Variants in RFX4 observed in about 807,000 individuals in gnomAD.
RFX4 encodes the protein transcription factor RFX4.
RFX4 carries 10 observed loss-of-function variants against 95.0 expected under a neutral mutation model. That is an observed-to-expected ratio of 0.11 (90% confidence interval 0.06 to 0.18). RFX4 has a LOEUF of 0.18. Among genes scored for constraint, RFX4 ranks in the 10% least tolerant of loss-of-function variants. The pLI, the probability that RFX4 is intolerant of heterozygous loss-of-function variation, is 1.00. For missense variants in RFX4, 640 were observed against 922.0 expected, an observed-to-expected ratio of 0.69 and a Z score of 3.96; for synonymous variants, 321 against 340.7, an observed-to-expected ratio of 0.94 and a Z score of 0.64.
At chr12:106,681,894 C>T in intron 4 of RFX4, 99 bp from the exon 5 acceptor site, 6 of 1,249,204 alleles carry the variant, frequency 4.8e-6, no homozygotes, top group Non-Finnish European at 5.9e-6. Context: ...AACCAAGGAC[C>T]TATGTTTTCC....
At chr12:106,646,725 A>C (rs2040754797) in intron 3 of RFX4, among the ~76,000 whole-genome samples, 2 of 152,136 alleles carry the variant, frequency 1.3e-5, no homozygotes, top group African/African-American at 4.8e-5. Context: ...GAGCACACCT[A>C]ATCCTCATGA....
intron 2 of RFX4, among the ~76,000 whole-genome samples, chr12:106,618,552 ATAT>A (rs2040119962): frequency 6.6e-6 from 1 of 151,962 alleles, no homozygotes; most frequent in East Asian, 1.9e-4. Flanking sequence ...ATTTTGTCTG[ATAT>A]TATACAGCTA....
At chr12:106,617,757 C>T (rs142613381) in intron 2 of RFX4, among the ~76,000 whole-genome samples, 23 of 152,228 alleles carry the variant, frequency 1.5e-4, no homozygotes, top group African/African-American at 3.4e-4. Context: ...GACAAAGCCT[C>T]GCTCTGTCAC....
intron 1 of RFX4, chr12:106,585,615 T>G (rs1484406088): frequency 6.6e-6 from 1 of 152,192 alleles, no homozygotes; most frequent in Non-Finnish European, 1.5e-5. Flanking sequence ...GAGTTTCCCT[T>G]GTTATGTAAA....
At chr12:106,679,124 A>T (rs144210070) in intron 4 of RFX4, among the ~76,000 whole-genome samples, 2 of 152,348 alleles carry the variant, frequency 1.3e-5, no homozygotes, top group East Asian at 3.9e-4. Flanking sequence ...ACTGAATATT[A>T]ACCTTTCCAA....
At position 106,761,476 on chromosome 12, in the gene RFX4, T is replaced by A. The variant is rs762418429; in HGVS notation, c.*7T>A. 33 of 1,548,718 alleles carry A rather than the reference T, an allele frequency of 2.1e-5. No homozygotes were observed. Among genetic ancestry groups the A allele is most frequent in the Non-Finnish European group, 2.7e-5 (31 of 1,146,558 alleles). Reference sequence around the variant, plus strand: ...TACAGGATGGGCTAAATGACTGCTATCATAGGCATCCATATTTAATATTAA... The same window carrying A: ...TACAGGATGGGCTAAATGACTGCTAACATAGGCATCCATATTTAATATTAA... On this transcript the variant is annotated 3_prime_UTR_variant, in exon 18 of 18. Transcript: ENST00000392842.
At chr12:106,642,052 C>A (rs2040642136) in intron 3 of RFX4, among the ~76,000 whole-genome samples, 1 of 147,668 alleles carries the variant, frequency 6.8e-6, no homozygotes, top group African/African-American at 2.5e-5. Flanking sequence ...CTCTTGTTGC[C>A]CAGGCTGGAG....
At chr12:106,705,978 G>A (rs1412702826) in intron 8 of RFX4, among the ~76,000 whole-genome samples, 2 of 152,216 alleles carry the variant, frequency 1.3e-5, no homozygotes, top group Non-Finnish European at 2.9e-5. Context: ...ACAAGTTGAC[G>A]TAACAACAAA....
chr12:106,712,960 C>T (rs189287534), intron 10 of RFX4, among the ~76,000 whole-genome samples: 1 of 152,106 alleles, frequency 6.6e-6, no homozygotes, highest in African/African-American at 2.4e-5. Flanking sequence ...TAGATAAAAG[C>T]GTCCACACCC....
intron 1 of RFX4, among the ~76,000 whole-genome samples, chr12:106,584,277 C>T (rs2039419827): frequency 6.6e-6 from 1 of 152,194 alleles, no homozygotes. Flanking sequence ...TCTGTTAACG[C>T]TCCCTAAGTC....
rs532524625 is a variant in RFX4, at chr12:106,588,530, G to A, written c.43+5167G>A. ...GGAAGAAGTCTCTTCTCACGCCTAGGCATCCCTCCTGATGACAATCTGGGC... is the reference window on the plus strand; with the variant it reads ...GGAAGAAGTCTCTTCTCACGCCTAGACATCCCTCCTGATGACAATCTGGGC... On this transcript the variant is annotated intron_variant, in intron 1 of 17. Transcript: ENST00000392842. Among the ~76,000 whole-genome samples the A allele has an allele frequency of 5.3e-5, 8 of 152,276 alleles. No homozygotes were observed. The East Asian group carries it at 1.3e-3, about 26-fold the overall frequency.
chr12:106,750,158 G>C (rs866683036), intron 16 of RFX4, among the ~76,000 whole-genome samples: 3 of 152,028 alleles, frequency 2.0e-5, no homozygotes, highest in Admixed American at 6.6e-5. Context: ...CCATAACAAG[G>C]CCACAAGAGT....
At chr12:106,657,259 G>C (rs1399251761) in intron 4 of RFX4, among the ~76,000 whole-genome samples, 1 of 152,188 alleles carries the variant, frequency 6.6e-6, no homozygotes, top group African/African-American at 2.4e-5. Flanking sequence ...GAGCAGGCGA[G>C]GTTTAATATT....
intron 1 of RFX4, among the ~76,000 whole-genome samples, chr12:106,597,664 C>T (rs1223714233): frequency 2.0e-5 from 3 of 152,136 alleles, no homozygotes; most frequent in Non-Finnish European, 2.9e-5. Flanking sequence ...CAGTTTGGCT[C>T]GCCAGTCCAT....
chr12:106,651,924 A>G (rs1277966279), intron 3 of RFX4, among the ~76,000 whole-genome samples: 1 of 152,180 alleles, frequency 6.6e-6, no homozygotes, highest in Non-Finnish European at 1.5e-5. Context: ...CAGTTTGAGA[A>G]AGCTGTCTTA....
At chr12:106,734,563 T>G (rs543402757) in intron 15 of RFX4, among the ~76,000 whole-genome samples, 3 of 150,210 alleles carry the variant, frequency 2.0e-5, no homozygotes, top group Non-Finnish European at 3.0e-5. Context: ...TCCACTGCAC[T>G]CCAGCCTGGG....
intron 9 of RFX4, 51 bp from the exon 10 acceptor site, chr12:106,711,402 T>C (rs370793187): frequency 1.2e-4 from 180 of 1,550,732 alleles, no homozygotes; most frequent in Non-Finnish European, 1.6e-4. Context: ...AAATCCAAGT[T>C]AGAATCATAA....
chr12:106,745,613 C>T (rs923381575), intron 15 of RFX4, among the ~76,000 whole-genome samples: 4 of 152,190 alleles, frequency 2.6e-5, no homozygotes, highest in Non-Finnish European at 5.9e-5. Context: ...TTTGCAAAGT[C>T]CCTGGGATGG....
chr12:106,651,327 C>A (rs1480224427), intron 3 of RFX4, among the ~76,000 whole-genome samples: 1 of 152,168 alleles, frequency 6.6e-6, no homozygotes, highest in Non-Finnish European at 1.5e-5. Context: ...ACCCTCTGAG[C>A]CTCAGATTCC....
Sources: allele counts gnomAD v4.1 joint callset (sites outside exome capture counted in the v4.1 genomes callset), GRCh38; gene constraint gnomAD v4.1.1; transcripts MANE v1.5; gene names NCBI Gene and HGNC (gene_info 2026-07-23, HGNC 2026-07-21).